The following ASIC2 variants were observed in gnomAD, a reference collection of about 807,000 sequenced individuals.
ASIC2 encodes acid sensing ion channel subunit 2, also known as acid-sensing ion channel 2.
ASIC2 carries 25 observed loss-of-function variants against 57.3 expected under a neutral mutation model. That is an observed-to-expected ratio of 0.44 (90% CI 0.32 to 0.61). ASIC2 has a LOEUF of 0.61. ASIC2 is among the 20% of genes least tolerant of loss of function. The probability of loss-of-function intolerance (pLI) is 0.06; values close to 1 mark genes in which losing one functional copy is unlikely to be tolerated. For synonymous variants in ASIC2, 319 were observed against 307.5 expected, an observed-to-expected ratio of 1.04 and a Z score of -0.39; for missense variants, 641 against 738.1, an observed-to-expected ratio of 0.87 and a Z score of 1.52.
rs1316252590 is a variant in ASIC2, at chr17:33,799,454, CT to C, written c.555+356523del. ...TCTTTCTTTCTTTCTTTCTTTCTTT[CT>C]TTCTTTCTTTCTTTCTTTCTTTCCT... is the stretch of plus-strand genomic sequence containing the variant. On this transcript the variant is annotated intron_variant, in intron 1 of 9. Coordinates refer to the ASIC2 transcript ENST00000359872. 8.7e-4 allele frequency among the ~76,000 whole-genome samples: 78 copies of C among 89,154 alleles called. 1 individual carries two copies. The highest frequency in any genetic ancestry group is 2.6e-3 in the African/African-American group (67 of 25,284). The allele number at this position is 89,154 out of a possible 152,430, so 58.5% of individuals were successfully genotyped here.
At chr17:33,830,850 C>T (rs1045515197) in intron 1 of ASIC2, among the ~76,000 whole-genome samples, 2 of 151,944 alleles carry the variant, frequency 1.3e-5, no homozygotes, top group African/African-American at 4.8e-5. Context: ...GTGGCTCAGG[C>T]CTATAATCCC....
chr17:33,735,248 A>C (rs1398370204), intron 1 of ASIC2, among the ~76,000 whole-genome samples: 1 of 152,096 alleles, frequency 6.6e-6, no homozygotes, highest in African/African-American at 2.4e-5. Flanking sequence ...GAGCCCCTCC[A>C]TGGAGAAAGT....
intron 1 of ASIC2, among the ~76,000 whole-genome samples, chr17:34,019,833 C>T (rs1907093327): frequency 6.6e-6 from 1 of 152,202 alleles, no homozygotes; most frequent in South Asian, 2.1e-4. Context: ...TAGTTCTAAC[C>T]TGAGCTTGCT....
intron 1 of ASIC2, among the ~76,000 whole-genome samples, chr17:33,411,063 AT>A (rs1171409043): frequency 6.6e-6 from 1 of 152,252 alleles, no homozygotes; most frequent in African/African-American, 2.4e-5. Flanking sequence ...TGACTAGGAA[AT>A]GGTGAAAGAA....
chr17:33,128,333 C>T (rs908242038), intron 1 of ASIC2, among the ~76,000 whole-genome samples: 8 of 152,190 alleles, frequency 5.3e-5, no homozygotes, highest in African/African-American at 1.7e-4. Flanking sequence ...TTCCTTCAAG[C>T]CCCAATTGCT....
At chr17:33,311,345 C>T (rs982076966) in intron 1 of ASIC2, among the ~76,000 whole-genome samples, 14 of 152,142 alleles carry the variant, frequency 9.2e-5, no homozygotes, top group African/African-American at 2.2e-4. Flanking sequence ...GCTCTTTCTA[C>T]TAGATGATGT....
intron 1 of ASIC2, among the ~76,000 whole-genome samples, chr17:34,154,422 C>A (rs746239910): frequency 6.6e-5 from 10 of 152,134 alleles, no homozygotes; most frequent in Non-Finnish European, 1.2e-4. Flanking sequence ...TACACTACTG[C>A]CGATTTTGCT....
chr17:34,046,205 G>A (rs916777754), intron 1 of ASIC2, among the ~76,000 whole-genome samples: 8 of 152,330 alleles, frequency 5.3e-5, no homozygotes, highest in African/African-American at 1.9e-4. Flanking sequence ...CTTTCCAGCT[G>A]AGCCCTAACC....
chr17:33,597,944 A>C (rs1452815226), intron 1 of ASIC2, among the ~76,000 whole-genome samples: 1 of 152,172 alleles, frequency 6.6e-6, no homozygotes, highest in Non-Finnish European at 1.5e-5. Context: ...TGTCTTCCAA[A>C]TACTCCTTAT....
At chr17:33,085,124 T>A (rs181397697) in intron 3 of ASIC2, among the ~76,000 whole-genome samples, 97 of 152,314 alleles carry the variant, frequency 6.4e-4, no homozygotes, top group Middle Eastern at 3.4e-3. Flanking sequence ...TTTCCTAGCA[T>A]GATTCACACC....
chr17:34,042,319 C>T (rs1398532657), intron 1 of ASIC2, among the ~76,000 whole-genome samples: 2 of 152,044 alleles, frequency 1.3e-5, no homozygotes, highest in East Asian at 1.9e-4. Context: ...CTGGTAACAA[C>T]CCAAACATCC....
At chr17:33,071,540 T>C (rs1398857111) in intron 3 of ASIC2, among the ~76,000 whole-genome samples, 2 of 152,228 alleles carry the variant, frequency 1.3e-5, no homozygotes, top group African/African-American at 2.4e-5. Context: ...TCTGGGTTAT[T>C]TTAATTGATT....
intron 1 of ASIC2, among the ~76,000 whole-genome samples, chr17:33,904,027 G>A (rs1915288140): frequency 1.3e-5 from 2 of 151,916 alleles, no homozygotes; most frequent in Admixed American, 6.6e-5. Flanking sequence ...GCTGGGTGTG[G>A]TGGTGCATGG....
chr17:33,178,974 A>T (rs149102626), intron 1 of ASIC2, among the ~76,000 whole-genome samples: 1 of 152,274 alleles, frequency 6.6e-6, no homozygotes, highest in African/African-American at 2.4e-5. Context: ...GTCTTTCCTC[A>T]CACTGGCCAG....
intron 1 of ASIC2, among the ~76,000 whole-genome samples, chr17:33,202,571 G>C (rs1433212056): frequency 1.3e-5 from 2 of 152,128 alleles, no homozygotes; most frequent in African/African-American, 2.4e-5. Context: ...TGCTGGACTT[G>C]GCAGCTGGAC....
rs553268707 is a variant in ASIC2 at position 33,312,517 on chromosome 17, C to T, written c.556-200450G>A. Among the ~76,000 whole-genome samples, 6 of 152,242 alleles carry T rather than the reference C, an allele frequency of 3.9e-5. No homozygotes were observed. In the South Asian group the frequency reaches 6.2e-4, roughly 16 times the overall value. On this transcript the variant is annotated intron_variant, in intron 1 of 9. Coordinates refer to the ASIC2 transcript ENST00000359872. ...ACCCAGATGCAGATCACTTAAGGTC[C>T]GCAAGATCAAGCACAGCAGAACTGG...
chr17:33,437,057 G>T (rs994112077), intron 1 of ASIC2, among the ~76,000 whole-genome samples: 3 of 150,698 alleles, frequency 2.0e-5, no homozygotes, highest in African/African-American at 7.3e-5. Context: ...AGTAGAGACG[G>T]GGTTTCACCG....
chr17:33,860,895 T>C (rs1426716515), intron 1 of ASIC2, among the ~76,000 whole-genome samples: 1 of 152,168 alleles, frequency 6.6e-6, no homozygotes, highest in Non-Finnish European at 1.5e-5. Context: ...GGAGGTACAA[T>C]GTTGAGCAAT....
At chr17:33,919,580 C>T (rs528714806) in intron 1 of ASIC2, among the ~76,000 whole-genome samples, 1 of 152,134 alleles carries the variant, frequency 6.6e-6, no homozygotes, top group Non-Finnish European at 1.5e-5. Flanking sequence ...TAGAAGAAAA[C>T]CTAGGAAATA....
Sources: allele counts gnomAD v4.1 joint callset (sites outside exome capture counted in the v4.1 genomes callset), GRCh38; gene constraint gnomAD v4.1.1; transcripts MANE v1.5; gene names NCBI Gene and HGNC (gene_info 2026-07-23, HGNC 2026-07-21).